The following PHF19 variants were observed in gnomAD, a reference collection of about 807,000 sequenced individuals.
PHF19 encodes the protein polycomb like 3.
A neutral mutation model predicts 79.8 loss-of-function variants in PHF19; 21 were observed. That is an observed-to-expected ratio of 0.26 (90% CI 0.19 to 0.38). The LOEUF (loss-of-function observed/expected upper bound fraction) is 0.38, where lower values mean the gene tolerates loss of function less well. Ranked by LOEUF, PHF19 falls within the 10% of genes least tolerant of loss-of-function variation. The probability of loss-of-function intolerance (pLI) is 1.00; values close to 1 mark genes in which losing one functional copy is unlikely to be tolerated. For missense variants in PHF19, 445 were observed against 744.2 expected (o/e 0.60, Z 4.68); for synonymous variants, 273 against 296.3 (o/e 0.92, Z 0.81).
chr9:120,868,717 G>A (rs2045783120), intron 6 of PHF19: 1 of 560,260 alleles, frequency 1.8e-6, no homozygotes, highest in African/African-American at 2.0e-5. Flanking sequence ...CGCCCCTTGA[G>A]GCCTCGCCTC....
chr9:120,867,775 C>T (rs1366495235), intron 6 of PHF19, among the ~76,000 whole-genome samples: 1 of 152,168 alleles, frequency 6.6e-6, no homozygotes, highest in East Asian at 1.9e-4. Flanking sequence ...GCCCAAGTTA[C>T]CCAGCTGGAG....
the PHF19 span, chr9:120,903,580 CT>C: frequency 6.6e-6 from 1 of 152,624 alleles, no homozygotes; most frequent in African/African-American, 2.4e-5. Context: ...GAAGAGTAAG[CT>C]GTCAGGAAAG....
At chr9:120,878,328 G>C (rs59629527), upstream of PHF19, among the ~76,000 whole-genome samples, 1,207 of 152,278 alleles carry the variant, frequency 7.9e-3, 17 homozygotes, top group East Asian at 0.026. Flanking sequence ...CCTGCCCTGT[G>C]GGGGAAAGGC....
rs150745427 is a variant in PHF19, at chr9:120,889,576, A to G, written c.42+5212T>C. On this transcript the variant is annotated intron_variant, in intron 1 of 14. Coordinates refer to the PHF19 transcript ENST00000616568. Reference sequence around the variant, plus strand: ...GGCCACATGGCGAAACCCTGCCTCTACGAAAAATTAAAAAATTAGCCTGGT... The same window carrying G: ...GGCCACATGGCGAAACCCTGCCTCTGCGAAAAATTAAAAAATTAGCCTGGT... 1.2e-3 allele frequency among the ~76,000 whole-genome samples: 185 copies of G among 152,092 alleles called. 2 individuals carry two copies. The East Asian group carries it at 0.025, about 20-fold the overall frequency.
chr9:120,877,196 C>G, upstream of PHF19: 2 of 863,176 alleles, frequency 2.3e-6, no homozygotes, highest in South Asian at 1.1e-4. Context: ...AGTGTCCGCC[C>G]GTGGGGCCGG....
rs1479581407 is a variant in PHF19, at chr9:120,862,516, C to T, written c.1130+72G>A. On this transcript the variant is annotated intron_variant, in intron 11 of 14. Transcript: ENST00000373896. This position sits in a 1 kb window ranked among gnomAD's most constrained non-coding sequence, Gnocchi z 4.6. ...AGCTGGGACTGGCTGGGTGCAGGTC[C>T]TCCTTGCTTGCTTGGAAGCAGAGAA... The T allele has an allele frequency of 2.1e-6, 3 of 1,406,360 alleles. No individual in the cohort carries two copies. Among genetic ancestry groups the T allele is most frequent in the East Asian group, 2.3e-5 (1 of 43,752 alleles). The allele number at this position is 1,406,360 out of a possible 1,614,324, so 87.1% of individuals were successfully genotyped here. A position where few individuals can be genotyped will look rare whatever the true frequency, so the allele number is the denominator to read the frequency against.
intron 14 of PHF19, among the ~76,000 whole-genome samples, chr9:120,858,554 G>T (rs1191314298): frequency 6.6e-6 from 1 of 152,146 alleles, no homozygotes; most frequent in Admixed American, 6.5e-5. Flanking sequence ...AGAAAACCAG[G>T]TAGGGAGTGG....
intron 14 of PHF19, 66 bp from the exon 15 acceptor site, chr9:120,858,352 CCT>C (rs1474207681): frequency 1.1e-5 from 13 of 1,219,252 alleles, no homozygotes; most frequent in Admixed American, 5.7e-5. Flanking sequence ...AATTCCTCTC[CCT>C]GAGTCCTCCC....
chr9:120,894,188 G>T (rs1453174186), intron 1 of PHF19, among the ~76,000 whole-genome samples: 1 of 152,186 alleles, frequency 6.6e-6, no homozygotes, highest in East Asian at 1.9e-4. Context: ...CTGGCACGTG[G>T]TTGGTGCTGA....
chr9:120,866,713 C>G lies in PHF19; in HGVS notation c.710+157G>C, dbSNP rs935018524. 1.3e-5 allele frequency among the ~76,000 whole-genome samples: 2 copies of G among 152,244 alleles called. No homozygotes were observed. Among genetic ancestry groups the G allele is most frequent in the Admixed American group, 1.3e-4 (2 of 15,282 alleles). On this transcript the variant is annotated intron_variant, in intron 7 of 14. Coordinates refer to ENST00000373896, the MANE Select transcript of PHF19 (RefSeq NM_015651.3). This position sits in a 1 kb window ranked among gnomAD's most constrained non-coding sequence, Gnocchi z 5.2. Reference sequence around the variant, plus strand: ...TCCTGGCCCTGCATAGCTAGGGGATCCCCTACCTTGAGCTGCCTCCAGTAA... The same window carrying G: ...TCCTGGCCCTGCATAGCTAGGGGATGCCCTACCTTGAGCTGCCTCCAGTAA...
At chr9:120,887,142 T>C (rs1044940267) in intron 1 of PHF19, among the ~76,000 whole-genome samples, 1 of 150,790 alleles carries the variant, frequency 6.6e-6, no homozygotes, top group Admixed American at 6.6e-5. Context: ...AGCCAATCAG[T>C]GGAAGGCCTT....
chr9:120,866,002 G>A lies in PHF19; in HGVS notation c.779+26C>T. ...GGGAGAAGCTGGGAGGAGCAGCGGT[G>A]GTTGGACTAAGCCCCACCCTCTCAC... On this transcript the variant is annotated intron_variant, in intron 8 of 14. Coordinates refer to ENST00000373896, the MANE Select transcript of PHF19 (RefSeq NM_015651.3). This position sits in a 1 kb window ranked among gnomAD's most constrained non-coding sequence, Gnocchi z 5.2. 6.3e-7 allele frequency: 1 copy of A among 1,597,492 alleles called. No individual in the cohort carries two copies. The highest frequency in any genetic ancestry group is 8.6e-7 in the Non-Finnish European group (1 of 1,165,112).
At position 120,862,332 on chromosome 9, in the gene PHF19, C is replaced by G. The variant is rs2045556698; in HGVS notation, c.1130+256G>C. Among the ~76,000 whole-genome samples the G allele has an allele frequency of 6.6e-6, 1 of 152,236 alleles. No homozygotes were observed. The highest frequency in any genetic ancestry group is 1.5e-5 in the Non-Finnish European group (1 of 68,022). On this transcript the variant is annotated intron_variant, in intron 11 of 14. Transcript: ENST00000373896. The surrounding 1 kb of genome is among the most constrained non-coding windows in gnomAD (Gnocchi z 4.6). ...GACCCCTCACACACCCTGCCTTCCC[C>G]TTCACCTCCTTGCCCAAGTCCTAAT...
intron 9 of PHF19, among the ~76,000 whole-genome samples, chr9:120,865,325 T>C (rs1365381993): frequency 6.6e-6 from 1 of 152,212 alleles, no homozygotes; most frequent in Non-Finnish European, 1.5e-5. Context: ...AGTCTCCGTT[T>C]GTAATTTCAC....
chr9:120,893,288 T>G (rs955861322), intron 1 of PHF19, among the ~76,000 whole-genome samples: 1 of 152,158 alleles, frequency 6.6e-6, no homozygotes, highest in African/African-American at 2.4e-5. Context: ...ATTCACTGGG[T>G]CAATAAAATG....
At chr9:120,863,200 G>A (rs1176919108) in intron 10 of PHF19, among the ~76,000 whole-genome samples, 1 of 150,154 alleles carries the variant, frequency 6.7e-6, no homozygotes, top group East Asian at 2.0e-4. Flanking sequence ...TAGTACAAGA[G>A]GCCACCTGCC....
Position 120,885,599 on chromosome 9 carries a change from AAGC to A in PHF19, c.42+9186_42+9188del, listed in dbSNP as rs200199306. 5.7e-3 allele frequency among the ~76,000 whole-genome samples: 858 copies of A among 151,016 alleles called. 12 individuals are homozygous for A. Among genetic ancestry groups the A allele is most frequent in the African/African-American group, 0.019 (794 of 41,168 alleles). On this transcript the variant is annotated intron_variant, in intron 1 of 14. Transcript: ENST00000616568. Reference sequence around the variant, plus strand: ...TCTTGGAAAAAAAAAAAAAAAAACAAAGCAGGAGAGGTCTGGCCAAAGTCCTGC... The same window carrying A: ...TCTTGGAAAAAAAAAAAAAAAAACAAAGGAGAGGTCTGGCCAAAGTCCTGC...
chr9:120,877,497 C>T (rs953375024), upstream of PHF19, among the ~76,000 whole-genome samples: 1 of 151,072 alleles, frequency 6.6e-6, no homozygotes, highest in East Asian at 1.9e-4. Context: ...GGACCCGGGC[C>T]CCCCGCCGAG....
rs1316216423 is a variant in PHF19 at position 120,860,740 on chromosome 9, T to C, written c.1304+349A>G. 1.3e-5 allele frequency among the ~76,000 whole-genome samples: 2 copies of C among 152,164 alleles called. No individual in the cohort carries two copies. The highest frequency in any genetic ancestry group is 2.9e-5 in the Non-Finnish European group (2 of 68,030). On this transcript the variant is annotated intron_variant, in intron 13 of 14. Transcript: ENST00000373896. This position sits in a 1 kb window ranked among gnomAD's most constrained non-coding sequence, Gnocchi z 4.1. ...ACAAAGGAGGGCGTCCAGCACAGCCTGGGGAGGGTTAGTAAAGCCTTCCTG... is the reference window on the plus strand; with the variant it reads ...ACAAAGGAGGGCGTCCAGCACAGCCCGGGGAGGGTTAGTAAAGCCTTCCTG...
Sources: allele counts gnomAD v4.1 joint callset (sites outside exome capture counted in the v4.1 genomes callset), GRCh38; gene constraint gnomAD v4.1.1; non-coding constraint Gnocchi (gnomAD v3.1); transcripts MANE v1.5; gene names NCBI Gene and HGNC (gene_info 2026-07-23, HGNC 2026-07-21).